Variants in CECR2 observed in about 807,000 individuals in gnomAD.
The protein encoded by CECR2 is CECR2 histone acetyl-lysine reader.
In CECR2, 30 loss-of-function variants were observed where a neutral mutation model predicts 154.5. That is an observed-to-expected ratio of 0.19 (90% CI 0.15 to 0.26). The LOEUF is 0.26. Ranked by LOEUF, CECR2 falls within the 10% of genes least tolerant of loss-of-function variation. CECR2 has a pLI of 1.00. For synonymous variants in CECR2, 725 were observed against 683.7 expected (o/e 1.06, Z -0.94); for missense variants, 1,743 against 1,829.3 (o/e 0.95, Z 0.86).
chr22:17,490,149 G>T (rs77738419), intron 2 of CECR2, among the ~76,000 whole-genome samples: 5,289 of 146,924 alleles, frequency 0.036, 175 homozygotes, highest in East Asian at 0.11. Context: ...TTTTTTTTTT[G>T]TGTGTGTGTG....
chr22:17,545,423 A>G (rs2056598482), intron 16 of CECR2, among the ~76,000 whole-genome samples: 1 of 151,442 alleles, frequency 6.6e-6, no homozygotes, highest in Non-Finnish European at 1.5e-5. Context: ...AGGAATAAAC[A>G]TTAAACTAGG....
At chr22:17,534,538 C>T (rs1399039331) in intron 9 of CECR2, among the ~76,000 whole-genome samples, 11 of 151,888 alleles carry the variant, frequency 7.2e-5, no homozygotes, top group African/African-American at 2.7e-4. Context: ...GACGGAGTCT[C>T]ACTCTGTCGC....
At chr22:17,547,642 G>A (rs1043070029) in intron 16 of CECR2, among the ~76,000 whole-genome samples, 11 of 152,200 alleles carry the variant, frequency 7.2e-5, no homozygotes, top group Admixed American at 6.5e-4. Flanking sequence ...TGAACTGAGA[G>A]GACAGTGAGA....
In CECR2 at chr22:17,519,053, C is replaced by G. The variant is rs116954965; in HGVS notation, c.955-5065C>G. The G allele has an allele frequency of 5.8e-4, 93 of 160,634 alleles. 1 individual carries two copies. Among genetic ancestry groups the G allele is most frequent in the Non-Finnish European group, 1.1e-4 (8 of 72,930 alleles). The allele number at this position is 160,634 out of a possible 1,614,324, so 10.0% of individuals were successfully genotyped here. A position where few individuals can be genotyped will look rare whatever the true frequency, so the allele number is the denominator to read the frequency against. ...TTAACTTCTCTCCTTCATTTAGATTCTTACCAGGGTATTACTTCAAAGCCA... is the reference window on the plus strand; with the variant it reads ...TTAACTTCTCTCCTTCATTTAGATTGTTACCAGGGTATTACTTCAAAGCCA... On this transcript the variant is annotated intron_variant, in intron 8 of 18. Transcript: ENST00000262608.
rs2056745418 is a variant in CECR2, at chr22:17,553,922, G to A, written c.*1082G>A. On this transcript the variant is annotated 3_prime_UTR_variant, in exon 19 of 19. Transcript: ENST00000262608. ...GTTTGTATATTTTAGTATCAATAAAGAATTGCACAGGTTTGAATAGGAAAA... is the reference window on the plus strand; with the variant it reads ...GTTTGTATATTTTAGTATCAATAAAAAATTGCACAGGTTTGAATAGGAAAA... The A allele has an allele frequency of 6.6e-6, 1 of 152,184 alleles. No homozygotes were observed. Among genetic ancestry groups the A allele is most frequent in the Non-Finnish European group, 1.5e-5 (1 of 68,032 alleles). 9.4% of individuals were successfully genotyped at this position (152,184 alleles called of 1,614,324 possible). A position where few individuals can be genotyped will look rare whatever the true frequency, so the allele number is the denominator to read the frequency against.
intron 2 of CECR2, among the ~76,000 whole-genome samples, chr22:17,490,403 A>G (rs1161951327): frequency 6.6e-6 from 1 of 151,850 alleles, no homozygotes; most frequent in African/African-American, 2.4e-5. Context: ...TGTGCCTGGT[A>G]GATCATTTTC....
chr22:17,514,453 T>G (rs907802167), intron 8 of CECR2, among the ~76,000 whole-genome samples: 1 of 152,152 alleles, frequency 6.6e-6, no homozygotes, highest in African/African-American at 2.4e-5. Context: ...AAAAACCCCC[T>G]TGATTCTAGC....
chr22:17,476,991 C>T, intron 1 of CECR2: 1 of 614,768 alleles, frequency 1.6e-6, no homozygotes, highest in South Asian at 2.0e-5. Flanking sequence ...GACGTTACCT[C>T]ATTCTGTTTA....
chr22:17,369,398 C>CCCCCTCCTCGTGGGCGG (rs2063027013), upstream of CECR2: 1 of 150,914 alleles, frequency 6.6e-6, no homozygotes, highest in Admixed American at 6.6e-5. Context: ...GGCAGCCCCG[C>CCCCCTCCTCGTGGGCGG]CCCCTCCTCG....
intron 5 of CECR2, among the ~76,000 whole-genome samples, chr22:17,502,102 A>G (rs2055749275): frequency 6.6e-6 from 1 of 152,186 alleles, no homozygotes; most frequent in African/African-American, 2.4e-5. Context: ...CAGGGATACA[A>G]GTGAAAATGA....
intron 1 of CECR2, among the ~76,000 whole-genome samples, chr22:17,458,474 G>A (rs575587107): frequency 1.3e-5 from 2 of 149,894 alleles, no homozygotes; most frequent in Admixed American, 6.6e-5. Flanking sequence ...TAAAACTGGT[G>A]CAGTTTTAAT....
intron 1 of CECR2, among the ~76,000 whole-genome samples, chr22:17,469,505 AG>A (rs1218747248): frequency 3.9e-5 from 6 of 152,024 alleles, no homozygotes; most frequent in Non-Finnish European, 8.8e-5. Flanking sequence ...CTCCCCAAGC[AG>A]GGGGGATGAT....
chr22:17,478,089 TA>T (rs367704128), intron 2 of CECR2, among the ~76,000 whole-genome samples: 26 of 148,076 alleles, frequency 1.8e-4, no homozygotes, highest in Middle Eastern at 3.5e-3. Context: ...ACTGATGTAA[TA>T]AAAAAAAAAG....
chr22:17,499,594 G>A (rs370206086), intron 4 of CECR2, 45 bp downstream of exon 4: 1 of 1,535,592 alleles, frequency 6.5e-7, no homozygotes. Context: ...GTATTAAAAT[G>A]TCATTAAGAT....
Position 17,539,193 on chromosome 22 carries a change from A to G in CECR2, c.1495+74A>G, listed in dbSNP as rs774065875. On this transcript the variant is annotated intron_variant, in intron 13 of 18. Coordinates refer to ENST00000262608, the MANE Select transcript of CECR2 (RefSeq NM_001290047.2). ...AAAATGCCTTCTCTTTTACAAATAC[A>G]CATCCTAGTGCCTTTTCTGTAGGAC... 8 of 1,520,792 alleles carry G rather than the reference A, an allele frequency of 5.3e-6. No individual in the cohort carries two copies. In the South Asian group the frequency reaches 9.3e-5, roughly 18 times the overall value. The allele number at this position is 1,520,792 out of a possible 1,614,324, so 94.2% of individuals were successfully genotyped here.
intron 1 of CECR2, among the ~76,000 whole-genome samples, chr22:17,463,501 T>A (rs900160190): frequency 3.9e-5 from 6 of 152,096 alleles, no homozygotes; most frequent in Non-Finnish European, 7.3e-5. Flanking sequence ...CTCTTTTGAA[T>A]ATAGTCATCA....
chr22:17,475,100 G>A lies in CECR2; in HGVS notation c.127-2488G>A, dbSNP rs566901980. ...AACCTGGGGATGCATGGACGCCACA[G>A]TGACAGTGAGCACTGGTGGGAGCAG... On this transcript the variant is annotated intron_variant, in intron 1 of 18. Coordinates refer to ENST00000262608, the MANE Select transcript of CECR2 (RefSeq NM_001290047.2). Among the ~76,000 whole-genome samples, 8 of 152,288 alleles carry A rather than the reference G, an allele frequency of 5.3e-5. No homozygotes were observed. The East Asian group carries it at 1.4e-3, about 26-fold the overall frequency.
At chr22:17,458,295 A>T (rs938644040) in intron 1 of CECR2, among the ~76,000 whole-genome samples, 2 of 151,934 alleles carry the variant, frequency 1.3e-5, no homozygotes, top group Admixed American at 6.6e-5. Context: ...GGCGCCTGTA[A>T]TCCCACCTGC....
At chr22:17,539,851 C>A (rs2056494116) in intron 13 of CECR2, among the ~76,000 whole-genome samples, 1 of 151,930 alleles carries the variant, frequency 6.6e-6, no homozygotes, top group Non-Finnish European at 1.5e-5. Flanking sequence ...TTACTAACCT[C>A]GAGGCAGGAT....
Sources: gnomAD v4.1 joint callset for allele counts (sites outside exome capture counted in the v4.1 genomes callset) on GRCh38, gnomAD v4.1.1 for gene constraint, MANE v1.5 for transcripts, NCBI Gene and HGNC (gene_info 2026-07-23, HGNC 2026-07-21) for gene names.